Variants in SRPRA observed in about 807,000 individuals in gnomAD.
The protein encoded by SRPRA is SRP receptor subunit alpha, also known as signal recognition particle receptor subunit alpha.
In SRPRA, 30 loss-of-function variants were observed where a neutral mutation model predicts 61.1. The observed-to-expected ratio is 0.49, with a 90% CI of 0.37 to 0.67. The LOEUF (loss-of-function observed/expected upper bound fraction) is 0.67. SRPRA is among the 30% of genes least tolerant of loss of function. SRPRA has a pLI of 0.00. For missense variants in SRPRA, 759 were observed against 828.4 expected (o/e 0.92, Z 1.03); for synonymous variants, 324 against 299.7 (o/e 1.08, Z -0.84).
At chr11:126,244,220 A>G in the SRPRA span, among the ~76,000 whole-genome samples, 1 of 152,206 alleles carries the variant, frequency 6.6e-6, no homozygotes, top group Admixed American at 6.5e-5. The surrounding 1 kb of genome is among the most constrained non-coding windows in gnomAD (Gnocchi z 4.5). Flanking sequence ...CCTGTCCAAC[A>G]TGGTGCTGGA....
the SRPRA span, chr11:126,254,315 G>T: frequency 6.2e-7 from 1 of 1,614,048 alleles, no homozygotes; most frequent in South Asian, 1.1e-5. Context: ...GTCCTCGAGT[G>T]GGCTCAGGAG....
chr11:126,240,731 C>T, the SRPRA span: 1 of 1,484,446 alleles, frequency 6.7e-7, no homozygotes, highest in Non-Finnish European at 9.0e-7. Flanking sequence ...GTCAGACAGT[C>T]TTTCTGTGTG....
chr11:126,248,986 G>C, the SRPRA span, among the ~76,000 whole-genome samples: 1 of 152,198 alleles, frequency 6.6e-6, no homozygotes, highest in Non-Finnish European at 1.5e-5. Flanking sequence ...TTTCCCACCT[G>C]AAGTTGGTAT....
chr11:126,258,646 A>G (rs149840674), downstream of SRPRA, among the ~76,000 whole-genome samples: 118 of 152,042 alleles, frequency 7.8e-4, no homozygotes, highest in Non-Finnish European at 1.4e-3. Context: ...AGTGTTCTAG[A>G]CTCTCCTGCT....
chr11:126,242,432 GA>G, the SRPRA span, among the ~76,000 whole-genome samples: 66 of 143,916 alleles, frequency 4.6e-4, no homozygotes, highest in Admixed American at 2.5e-3. Context: ...TCTACCAAAA[GA>G]AAAAAAAAAG....
chr11:126,244,935 G>C, the SRPRA span: 1 of 152,190 alleles, frequency 6.6e-6, no homozygotes, highest in Non-Finnish European at 1.5e-5. This position sits in a 1 kb window ranked among gnomAD's most constrained non-coding sequence, Gnocchi z 4.5. Context: ...TATTAAGATG[G>C]AATACTCTGC....
At chr11:126,242,176 G>T in the SRPRA span, among the ~76,000 whole-genome samples, 3 of 152,022 alleles carry the variant, frequency 2.0e-5, no homozygotes, top group Non-Finnish European at 4.4e-5. Context: ...AAAATTTCAT[G>T]ACTGGATCTG....
intron 1 of SRPRA, 87 bp downstream of exon 1, chr11:126,268,601 G>A: frequency 1.8e-6 from 2 of 1,109,788 alleles, no homozygotes; most frequent in Admixed American, 3.8e-5. Context: ...CGGGGAGGGT[G>A]GGAGGAGGCG....
chr11:126,267,985 C>T lies in SRPRA; in HGVS notation c.201+18G>A, dbSNP rs1204196087. 1.2e-6 allele frequency: 2 copies of T among 1,613,218 alleles called. No homozygotes were observed. The highest frequency in any genetic ancestry group is 1.3e-5 in the African/African-American group (1 of 74,930). ...CTATGTTAACAATGCAATCGTCCCTCTACAACACCCCACTTACCACAAACA... is the reference window on the plus strand; with the variant it reads ...CTATGTTAACAATGCAATCGTCCCTTTACAACACCCCACTTACCACAAACA... On this transcript the variant is annotated intron_variant, in intron 2 of 13. Coordinates refer to ENST00000332118, the MANE Select transcript of SRPRA (RefSeq NM_003139.4). This position sits in a 1 kb window ranked among gnomAD's most constrained non-coding sequence, Gnocchi z 4.2.
chr11:126,250,749 T>C, the SRPRA span: 17 of 1,565,450 alleles, frequency 1.1e-5, no homozygotes, highest in South Asian at 1.1e-5. The surrounding 1 kb of genome is among the most constrained non-coding windows in gnomAD (Gnocchi z 5.1). Flanking sequence ...AAGTAAAGCA[T>C]TGGTCCCTTC....
chr11:126,244,529 C>T, the SRPRA span, among the ~76,000 whole-genome samples: 8 of 152,208 alleles, frequency 5.3e-5, no homozygotes, highest in Non-Finnish European at 8.8e-5. The surrounding 1 kb of genome is among the most constrained non-coding windows in gnomAD (Gnocchi z 4.5). Flanking sequence ...GAAGGCTAGG[C>T]GTGGTGGCCC....
At chr11:126,261,539 G>C, downstream of SRPRA, 1 of 1,452,414 alleles carries the variant, frequency 6.9e-7, no homozygotes, top group Non-Finnish European at 9.6e-7. Flanking sequence ...GTCTTTCTAG[G>C]TCCTTGGTTA....
Position 126,265,655 on chromosome 11 carries a change from C to T in SRPRA, c.1138+82G>A, listed in dbSNP as rs1287613915. 18 of 1,502,052 alleles carry T rather than the reference C, an allele frequency of 1.2e-5. No homozygotes were observed. Among genetic ancestry groups the T allele is most frequent in the East Asian group, 6.8e-5 (3 of 43,912 alleles). The allele number at this position is 1,502,052 out of a possible 1,614,324, so 93.0% of individuals were successfully genotyped here. ...GAGGTTTAGAGGTTAAGGAATTTGC[C>T]GAAAGTCACATACCTAGTAAGAACT... On this transcript the variant is annotated intron_variant, in intron 9 of 13. Coordinates refer to ENST00000332118, the MANE Select transcript of SRPRA (RefSeq NM_003139.4). This position sits in a 1 kb window ranked among gnomAD's most constrained non-coding sequence, Gnocchi z 6.3.
the SRPRA span, among the ~76,000 whole-genome samples, chr11:126,257,121 A>G: frequency 6.6e-6 from 1 of 152,272 alleles, no homozygotes; most frequent in South Asian, 2.1e-4. Flanking sequence ...AATGAAATGC[A>G]GTTTGAATTT....
the SRPRA span, among the ~76,000 whole-genome samples, chr11:126,237,221 T>C: frequency 2.9e-5 from 3 of 103,446 alleles, no homozygotes; most frequent in African/African-American, 1.1e-4. Flanking sequence ...TGGCCTTTTT[T>C]TTTTTTTTTT....
Position 126,265,039 on chromosome 11 carries a change from C to T in SRPRA, c.1445G>A (p.Gly482Asp). 3 of 1,614,212 alleles carry T rather than the reference C, an allele frequency of 1.9e-6. No homozygotes were observed. Among genetic ancestry groups the T allele is most frequent in the East Asian group, 2.2e-5 (1 of 44,872 alleles). The change falls in exon 11 of 14, where the codon GGT (glycine) becomes GAT (aspartate). Residue 482 changes from glycine to aspartate, a missense_variant. By Grantham distance (94) the Gly-to-Asp change is moderately conservative (BLOSUM62 -1). Transcript: ENST00000332118. The surrounding 1 kb of genome is among the most constrained non-coding windows in gnomAD (Gnocchi z 6.3). Reference protein sequence around the residue: ...LSALHPPEKHGGRTMVQLFEK... With the variant: ...LSALHPPEKHDGRTMVQLFEK... The stretch of plus-strand genomic sequence containing the variant: ...AAACAACTGCACCATGGTGCGGCCA[C>T]CATGCTTCTCTGGAGGGTGTAGGGC...
the SRPRA span, among the ~76,000 whole-genome samples, chr11:126,249,180 A>T: frequency 6.6e-6 from 1 of 151,758 alleles, no homozygotes; most frequent in South Asian, 2.1e-4. Flanking sequence ...TTCAAGACCT[A>T]CCTGGACAAC....
Position 126,264,632 on chromosome 11 carries a change from T to TAGGAC in SRPRA, c.1526-94_1526-93insGTCCT, listed in dbSNP as rs1565345428. 6 of 1,447,052 alleles carry TAGGAC rather than the reference T, an allele frequency of 4.1e-6. No individual in the cohort carries two copies. The East Asian group carries it at 1.4e-4, about 34-fold the overall frequency. 89.6% of individuals were successfully genotyped at this position (1,447,052 alleles called of 1,614,324 possible). A position where few individuals can be genotyped will look rare whatever the true frequency, so the allele number is the denominator to read the frequency against. On this transcript the variant is annotated intron_variant, in intron 11 of 13. Coordinates refer to ENST00000332118, the MANE Select transcript of SRPRA (RefSeq NM_003139.4). The surrounding 1 kb of genome is among the most constrained non-coding windows in gnomAD (Gnocchi z 5.0). ...CAAAAAGTCCTAGTTTGACTACCTGTTCACTGTCTTGGGCTCTGGATTTGG... is the reference window on the plus strand; with the variant it reads ...CAAAAAGTCCTAGTTTGACTACCTGTAGGACTCACTGTCTTGGGCTCTGGATTTGG...
At chr11:126,248,496 G>A in the SRPRA span, among the ~76,000 whole-genome samples, 2 of 144,606 alleles carry the variant, frequency 1.4e-5, no homozygotes, top group African/African-American at 2.5e-5. Flanking sequence ...TCAGCCTCCC[G>A]AGTAGCTGGC....
Sources: allele counts gnomAD v4.1 joint callset (sites outside exome capture counted in the v4.1 genomes callset), GRCh38; gene constraint gnomAD v4.1.1; non-coding constraint Gnocchi (gnomAD v3.1); transcripts MANE v1.5; gene names NCBI Gene and HGNC (gene_info 2026-07-23, HGNC 2026-07-21).